FAM3C: variants seen among roughly 807,000 people sequenced by gnomAD.
FAM3C encodes the protein protein FAM3C.
In FAM3C, 15 loss-of-function variants were observed where a neutral mutation model predicts 32.5. The observed-to-expected ratio is 0.46, with a 90% CI of 0.31 to 0.71. The LOEUF (loss-of-function observed/expected upper bound fraction) is 0.71, where lower values mean the gene tolerates loss of function less well. FAM3C is among the 30% of genes least tolerant of loss of function. The pLI is 0.05. For missense variants in FAM3C, 175 were observed against 274.4 expected (o/e 0.64, Z 2.56); for synonymous variants, 75 against 86.1 (o/e 0.87, Z 0.72).
chr7:121,360,940 A>G (rs1483354935), intron 7 of FAM3C, among the ~76,000 whole-genome samples: 1 of 152,238 alleles, frequency 6.6e-6, no homozygotes, highest in Non-Finnish European at 1.5e-5. Flanking sequence ...ATTCTCAAAG[A>G]TATCTGTAAT....
chr7:121,369,952 CTCT>C (rs527447706), intron 5 of FAM3C, among the ~76,000 whole-genome samples: 5 of 152,116 alleles, frequency 3.3e-5, no homozygotes, highest in Non-Finnish European at 7.4e-5. Context: ...ACAGTCTGAT[CTCT>C]TCTTCTCTGA....
chr7:121,383,452 TG>T (rs1794402378), intron 1 of FAM3C, among the ~76,000 whole-genome samples: 4 of 152,222 alleles, frequency 2.6e-5, no homozygotes, highest in African/African-American at 9.6e-5. Flanking sequence ...CAGTACATGA[TG>T]CCACTTCATT....
chr7:121,368,974 T>G (rs1185480144), intron 5 of FAM3C, among the ~76,000 whole-genome samples: 9 of 12,948 alleles, frequency 7.0e-4, no homozygotes, highest in East Asian at 4.7e-3. Flanking sequence ...TTGTTGTTGT[T>G]TTTTTTTTTT....
At chr7:121,364,373 G>A (rs1793983805) in intron 5 of FAM3C, 185 bp from the exon 6 acceptor site, 3 of 488,908 alleles carry the variant, frequency 6.1e-6, no homozygotes, top group Non-Finnish European at 1.1e-5. Context: ...TAATTTTAAA[G>A]CAATGTCCTT....
chr7:121,361,937 G>A (rs533569748), intron 7 of FAM3C, among the ~76,000 whole-genome samples: 8 of 152,240 alleles, frequency 5.3e-5, no homozygotes, highest in South Asian at 2.1e-4. Context: ...TCGGCCTCCC[G>A]AAGTGCTGGG....
chr7:121,373,001 C>T (rs1475264770), intron 3 of FAM3C, among the ~76,000 whole-genome samples: 1 of 152,032 alleles, frequency 6.6e-6, no homozygotes, highest in African/African-American at 2.4e-5. Context: ...AATAAAAGCT[C>T]ATTAACTCAA....
At chr7:121,361,354 A>G (rs1417470130) in intron 7 of FAM3C, among the ~76,000 whole-genome samples, 1 of 152,230 alleles carries the variant, frequency 6.6e-6, no homozygotes, top group Non-Finnish European at 1.5e-5. Flanking sequence ...AGCATTTTCA[A>G]TTCAAAAAGA....
chr7:121,378,002 T>C (rs2116934557), intron 3 of FAM3C, among the ~76,000 whole-genome samples: 1 of 152,334 alleles, frequency 6.6e-6, no homozygotes, highest in South Asian at 2.1e-4. Context: ...GGTTAAATAA[T>C]TGTTTTCCAC....
chr7:121,357,776 A>AT (rs1306673844), intron 8 of FAM3C, among the ~76,000 whole-genome samples: 3 of 152,120 alleles, frequency 2.0e-5, no homozygotes, highest in Non-Finnish European at 4.4e-5. Flanking sequence ...CTTTTGGTGC[A>AT]TTTAATGGGC....
Position 121,362,428 on chromosome 7 carries a change from G to A in FAM3C, c.382+469C>T, listed in dbSNP as rs144909217. On this transcript the variant is annotated intron_variant, in intron 7 of 9. Transcript: ENST00000359943. ...ATAATAGGACTGCTGTTCTAAAACT[G>A]ATAGTTTATCTTGTCTTTCTAATGC... 9.5e-4 allele frequency among the ~76,000 whole-genome samples: 144 copies of A among 152,220 alleles called. 3 individuals carry two copies. The East Asian group carries it at 0.021, about 22-fold the overall frequency.
chr7:121,391,453 A>C (rs930137168), intron 1 of FAM3C, among the ~76,000 whole-genome samples: 39 of 152,334 alleles, frequency 2.6e-4, no homozygotes, highest in Admixed American at 1.8e-3. Flanking sequence ...TCCCACTCAT[A>C]AACTGCTAAA....
chr7:121,393,052 A>G (rs1262338656), intron 1 of FAM3C, among the ~76,000 whole-genome samples: 1 of 152,132 alleles, frequency 6.6e-6, no homozygotes, highest in African/African-American at 2.4e-5. Flanking sequence ...TGGCAGGGAG[A>G]AGGGAATGAA....
At chr7:121,361,522 A>C (rs1793921837) in intron 7 of FAM3C, among the ~76,000 whole-genome samples, 1 of 152,210 alleles carries the variant, frequency 6.6e-6, no homozygotes, top group South Asian at 2.1e-4. Context: ...GACTGATTTC[A>C]ACAACAGCTT....
chr7:121,360,912 A>C (rs964382166), intron 7 of FAM3C, among the ~76,000 whole-genome samples: 2 of 152,200 alleles, frequency 1.3e-5, no homozygotes, highest in African/African-American at 4.8e-5. Context: ...TAGAAAGAGG[A>C]TACACAGCTT....
chr7:121,380,802 T>C (rs1030208079), intron 2 of FAM3C, among the ~76,000 whole-genome samples: 28 of 150,950 alleles, frequency 1.9e-4, no homozygotes, highest in Non-Finnish European at 3.7e-4. Context: ...TAGAACTAAA[T>C]GCTTTATAAG....
chr7:121,392,947 C>T (rs1456336307), intron 1 of FAM3C, among the ~76,000 whole-genome samples: 1 of 152,108 alleles, frequency 6.6e-6, no homozygotes, highest in Non-Finnish European at 1.5e-5. Context: ...AGAAGCCAGA[C>T]ACAAAAGAAC....
chr7:121,371,596 T>C (rs753923104), intron 4 of FAM3C, among the ~76,000 whole-genome samples, 173 bp from the exon 5 acceptor site: 4 of 152,100 alleles, frequency 2.6e-5, no homozygotes, highest in Non-Finnish European at 4.4e-5. Context: ...TCAAAAAATT[T>C]TTTTAAAAAA....
rs200946116 is a variant in FAM3C at position 121,354,344 on chromosome 7, G to C, written c.468-3075C>G. On this transcript the variant is annotated intron_variant, in intron 8 of 9. Transcript: ENST00000359943. ...AATTTATGTCAAATATATTATTTTA[G>C]TGAATAATTTTCTTCAAAATGAACA... Among the ~76,000 whole-genome samples the C allele has an allele frequency of 3.3e-5, 5 of 152,190 alleles. No individual in the cohort carries two copies. The East Asian group carries it at 9.7e-4, about 29-fold the overall frequency.
At chr7:121,373,389 C>T (rs542650131) in intron 3 of FAM3C, among the ~76,000 whole-genome samples, 16 of 152,266 alleles carry the variant, frequency 1.1e-4, no homozygotes, top group African/African-American at 2.6e-4. Flanking sequence ...CACCTGGTGG[C>T]CAAACAGGTA....
Sources: gnomAD v4.1 joint callset for allele counts (sites outside exome capture counted in the v4.1 genomes callset) on GRCh38, gnomAD v4.1.1 for gene constraint, MANE v1.5 for transcripts, NCBI Gene and HGNC (gene_info 2026-07-23, HGNC 2026-07-21) for gene names.